WWC2: variants seen among roughly 807,000 people sequenced by gnomAD.
The protein encoded by WWC2 is WW and C2 domain containing 2.
A neutral mutation model predicts 138.5 loss-of-function variants in WWC2; 101 were observed. That is an observed-to-expected ratio of 0.73 (90% CI 0.62 to 0.86). The LOEUF (loss-of-function observed/expected upper bound fraction) is 0.86, where lower values mean the gene tolerates loss of function less well. Ranked by LOEUF, WWC2 falls within the 40% of genes least tolerant of loss-of-function variation. The pLI, the probability that WWC2 is intolerant of heterozygous loss-of-function variation, is 0.00. For missense variants in WWC2, 1,420 were observed against 1,419.4 expected (o/e 1.00, Z -0.01); for synonymous variants, 558 against 538.4 (o/e 1.04, Z -0.50).
intron 17 of WWC2, 114 bp downstream of exon 17, chr4:183,281,011 C>A: frequency 1.4e-6 from 2 of 1,383,840 alleles, no homozygotes; most frequent in Non-Finnish European, 1.9e-6. Context: ...ATGCACTGCA[C>A]CTTCAGGAAG....
At chr4:183,274,033 G>A (rs768002355) in intron 16 of WWC2, among the ~76,000 whole-genome samples, 13 of 152,170 alleles carry the variant, frequency 8.5e-5, no homozygotes, top group African/African-American at 1.2e-4. Flanking sequence ...TGAAAATCAA[G>A]TGTGAGGGTT....
intron 2 of WWC2, among the ~76,000 whole-genome samples, chr4:183,194,426 G>A (rs1239841184): frequency 6.6e-6 from 1 of 152,110 alleles, no homozygotes; most frequent in African/African-American, 2.4e-5. Flanking sequence ...TCAGATGGTA[G>A]CATACAATAC....
intron 1 of WWC2, among the ~76,000 whole-genome samples, chr4:183,115,976 T>C (rs1732396614): frequency 6.6e-6 from 1 of 152,202 alleles, no homozygotes; most frequent in Non-Finnish European, 1.5e-5. Context: ...GTTTTAGGTT[T>C]TACACTTAAG....
At chr4:183,241,513 C>T (rs1265757962) in intron 5 of WWC2, among the ~76,000 whole-genome samples, 3 of 152,222 alleles carry the variant, frequency 2.0e-5, no homozygotes, top group Non-Finnish European at 4.4e-5. Context: ...CGCATAGAAT[C>T]ATGACCCTGA....
intron 6 of WWC2, among the ~76,000 whole-genome samples, chr4:183,247,712 C>T (rs961421688): frequency 6.2e-5 from 8 of 129,262 alleles, no homozygotes; most frequent in Admixed American, 1.6e-4. Flanking sequence ...ACTATATGTA[C>T]TATATATACT....
chr4:183,150,798 C>T (rs780265708), intron 1 of WWC2, among the ~76,000 whole-genome samples: 7 of 152,114 alleles, frequency 4.6e-5, no homozygotes, highest in South Asian at 2.1e-4. Flanking sequence ...TCTGTCCTTG[C>T]GAAAACCAAA....
intron 1 of WWC2, among the ~76,000 whole-genome samples, chr4:183,128,968 A>G (rs576957399): frequency 1.3e-5 from 2 of 152,356 alleles, no homozygotes; most frequent in East Asian, 3.9e-4. Context: ...TTATATAAGT[A>G]CTGTATTGCC....
intron 1 of WWC2, among the ~76,000 whole-genome samples, chr4:183,153,250 A>G (rs1444202777): frequency 6.6e-6 from 1 of 152,178 alleles, no homozygotes; most frequent in Non-Finnish European, 1.5e-5. Context: ...GATGTTATTT[A>G]TACCCATTTA....
At chr4:183,251,918 C>T (rs1736993632) in intron 8 of WWC2, among the ~76,000 whole-genome samples, 1 of 152,166 alleles carries the variant, frequency 6.6e-6, no homozygotes, top group Non-Finnish European at 1.5e-5. Context: ...CTAATAATAT[C>T]ATGCTTATTT....
intron 1 of WWC2, among the ~76,000 whole-genome samples, chr4:183,125,671 C>G (rs1409652559): frequency 1.3e-5 from 2 of 152,172 alleles, no homozygotes; most frequent in Non-Finnish European, 2.9e-5. Flanking sequence ...ACTTAGTATG[C>G]CTTTTTAGGA....
chr4:183,319,356 T>G lies in WWC2; in HGVS notation c.*3627T>G. The G allele has an allele frequency of 5.0e-6, 3 of 596,362 alleles. No individual in the cohort carries two copies. In the East Asian group the frequency reaches 8.3e-5, roughly 16 times the overall value. 36.9% of individuals were successfully genotyped at this position (596,362 alleles called of 1,614,324 possible). A position where few individuals can be genotyped will look rare whatever the true frequency, so the allele number is the denominator to read the frequency against. On this transcript the variant is annotated 3_prime_UTR_variant, in exon 23 of 23. Transcript: ENST00000403733. ...CCACAGTAATGGGTGTCATTACTATTCAGTCTTGATTGATTTTGGTCTCAG... is the reference window on the plus strand; with the variant it reads ...CCACAGTAATGGGTGTCATTACTATGCAGTCTTGATTGATTTTGGTCTCAG...
chr4:183,255,877 C>CT (rs551883972), intron 9 of WWC2, among the ~76,000 whole-genome samples: 4,296 of 140,726 alleles, frequency 0.031, 91 homozygotes, highest in East Asian at 0.069. Context: ...GCTTTTTTTC[C>CT]TTTTTTTTTT....
Position 183,208,004 on chromosome 4 carries a change from A to G in WWC2, c.293A>G (p.Lys98Arg). ...PRKQWRGEQE[K>R]MLKDYLSVAQ... ...AAACAATGGAGGGGGGAACAGGAGA[A>G]GATGCTCAAGGACTACCTCTCTGTG... is the stretch of plus-strand genomic sequence containing the variant. The change falls in exon 3 of 23, where the codon AAG (lysine) becomes AGG (arginine). Residue 98 changes from lysine (K) to arginine (R), a missense_variant. Transcript: ENST00000403733. The G allele has an allele frequency of 1.9e-6, 3 of 1,613,606 alleles. No homozygotes were observed. Among genetic ancestry groups the G allele is most frequent in the Non-Finnish European group, 2.5e-6 (3 of 1,179,682 alleles).
intron 19 of WWC2, among the ~76,000 whole-genome samples, chr4:183,285,408 CA>C (rs1738212588): frequency 6.6e-6 from 1 of 152,112 alleles, no homozygotes; most frequent in African/African-American, 2.4e-5. Context: ...AATTTCATTT[CA>C]AAAAATATAT....
chr4:183,218,753 T>C (rs903993831), intron 4 of WWC2, among the ~76,000 whole-genome samples: 1 of 152,210 alleles, frequency 6.6e-6, no homozygotes, highest in South Asian at 2.1e-4. Flanking sequence ...AAAGGCAGTC[T>C]GTTGAATTCC....
rs1186084888 is a variant in WWC2, at chr4:183,316,723, A to C, written c.*994A>C. On this transcript the variant is annotated 3_prime_UTR_variant, in exon 23 of 23. Transcript: ENST00000403733. ...TGATAGAATCAAAGTTGCCAAAAAC[A>C]AAGAAGAGTTTATCAAGCAGATTTC... The C allele has an allele frequency of 6.6e-6, 1 of 152,206 alleles. No individual in the cohort carries two copies. 9.4% of individuals were successfully genotyped at this position (152,206 alleles called of 1,614,324 possible).
chr4:183,213,195 A>G (rs961970206), intron 4 of WWC2, among the ~76,000 whole-genome samples: 55 of 152,216 alleles, frequency 3.6e-4, no homozygotes, highest in African/African-American at 1.2e-3. Context: ...ACTTGGGCAC[A>G]GATGGTGCGC....
At chr4:183,296,249 T>C (rs768079343) in intron 21 of WWC2, among the ~76,000 whole-genome samples, 5 of 152,164 alleles carry the variant, frequency 3.3e-5, no homozygotes, top group Non-Finnish European at 7.4e-5. Flanking sequence ...TAATGCCACA[T>C]TGGTTGTATT....
chr4:183,134,176 T>C (rs1733038124), intron 1 of WWC2, among the ~76,000 whole-genome samples: 1 of 152,176 alleles, frequency 6.6e-6, no homozygotes, highest in African/African-American at 2.4e-5. Context: ...TGTTTGCTTT[T>C]GTTAGATGTT....
Sources: allele counts gnomAD v4.1 joint callset (sites outside exome capture counted in the v4.1 genomes callset), GRCh38; gene constraint gnomAD v4.1.1; transcripts MANE v1.5; gene names NCBI Gene and HGNC (gene_info 2026-07-23, HGNC 2026-07-21).